Variants in ERICH3 observed in about 807,000 individuals in gnomAD.
ERICH3 encodes the protein glutamate-rich protein 3.
In ERICH3, 126 loss-of-function variants were observed where a neutral mutation model predicts 131.1. That is an observed-to-expected ratio of 0.96 (90% CI 0.83 to 1.11). ERICH3 has a LOEUF of 1.11. Among genes scored for constraint, ERICH3 ranks in the 50% most tolerant of loss-of-function variants. The pLI is 0.00. For synonymous variants in ERICH3, 695 were observed against 644.6 expected (o/e 1.08, Z -1.18); for missense variants, 2,050 against 1,810.7 (o/e 1.13, Z -2.40).
intron 11 of ERICH3, among the ~76,000 whole-genome samples, chr1:74,593,879 C>T (rs1224912721): frequency 1.3e-5 from 2 of 152,138 alleles, no homozygotes; most frequent in Non-Finnish European, 2.9e-5. Flanking sequence ...CAAGACCCTT[C>T]TATTTGCTAA....
chr1:74,638,302 C>T (rs1043628498), intron 5 of ERICH3, among the ~76,000 whole-genome samples: 1 of 152,132 alleles, frequency 6.6e-6, no homozygotes, highest in African/African-American at 2.4e-5. Flanking sequence ...TAATTTTTAA[C>T]ATCTAATGGC....
At chr1:74,663,657 C>T (rs1009622617) in intron 1 of ERICH3, among the ~76,000 whole-genome samples, 15 of 150,558 alleles carry the variant, frequency 1.0e-4, no homozygotes, top group Admixed American at 6.6e-4. Context: ...CTTCTTTTTA[C>T]CCATCTGTTT....
At chr1:74,632,340 G>A (rs1646347293) in intron 6 of ERICH3, among the ~76,000 whole-genome samples, 1 of 151,932 alleles carries the variant, frequency 6.6e-6, no homozygotes, top group South Asian at 2.1e-4. Flanking sequence ...AATATGCAGG[G>A]TTTGCAAAGC....
chr1:74,612,605 G>A lies in ERICH3; in HGVS notation c.1187+18C>T. 6.5e-7 allele frequency: 1 copy of A among 1,528,246 alleles called. No homozygotes were observed. The allele number at this position is 1,528,246 out of a possible 1,614,324, so 94.7% of individuals were successfully genotyped here. On this transcript the variant is annotated intron_variant, in intron 9 of 14. Transcript: ENST00000326665. ...GTAGCAAAACTTGCCCTCTACCAAA[G>A]GACATTTGTTTCCATACTTGTAGCA...
chr1:74,670,644 T>A (rs1180925832), intron 1 of ERICH3, among the ~76,000 whole-genome samples: 2 of 152,214 alleles, frequency 1.3e-5, no homozygotes, highest in Non-Finnish European at 2.9e-5. Flanking sequence ...CTGTGATAAT[T>A]TTGTTAACTA....
intron 12 of ERICH3, among the ~76,000 whole-genome samples, chr1:74,588,367 T>C (rs1350231094): frequency 6.6e-6 from 1 of 152,180 alleles, no homozygotes; most frequent in Non-Finnish European, 1.5e-5. Flanking sequence ...CAGCAAGTTA[T>C]GAGAGAAACT....
rs778156632 is a variant in ERICH3, at chr1:74,636,354, T to A, written c.529A>T (p.Thr177Ser). ...QPLPSNPAVE[T>S]VPKVTSRSRS... The stretch of plus-strand genomic sequence containing the variant: ...GACCTTGAAGTTACCTTTGGAACAG[T>A]TTCTACTGCAGGATTACTGGGAAGA... The change falls in exon 6 of 15, where the codon ACT (threonine) becomes TCT (serine). Residue 177 changes from threonine (T) to serine (S), a missense_variant. Thr to Ser is a moderately conservative substitution (Grantham distance 58, BLOSUM62 1). Coordinates refer to ENST00000326665, the MANE Select transcript of ERICH3 (RefSeq NM_001002912.5). The A allele has an allele frequency of 6.2e-7, 1 of 1,613,308 alleles. No homozygotes were observed. Among genetic ancestry groups the A allele is most frequent in the Non-Finnish European group, 8.5e-7 (1 of 1,179,452 alleles).
Position 74,635,118 on chromosome 1 carries a change from C to G in ERICH3, c.603+1162G>C, listed in dbSNP as rs1450755317. On this transcript the variant is annotated intron_variant, in intron 6 of 14. Transcript: ENST00000326665. ...AGTTCGTTTAGTTAGCCTGGACAGT[C>G]TCACAAGATGTGACTATTCCTGGAC... Among the ~76,000 whole-genome samples the G allele has an allele frequency of 2.0e-5, 3 of 152,044 alleles. No individual in the cohort carries two copies. The East Asian group carries it at 5.8e-4, about 29-fold the overall frequency.
Position 74,573,436 on chromosome 1 carries a change from T to A in ERICH3, c.2274A>T (p.Glu758Asp), listed in dbSNP as rs747071842. ...DETAAINSNK[E>D]SQQLVQKTYT... is the part of the protein sequence containing the mutation. ...ACGTTTTTTGCACCAATTGCTGGGA[T>A]TCCTTGTTTGAGTTGATTGCTGCTG... The change falls in exon 14 of 15, where the codon GAA (glutamate) becomes GAT (aspartate). Residue 758 changes from glutamate to aspartate, a missense_variant. Physicochemically the swap from Glu to Asp is conservative, Grantham distance 45. Transcript: ENST00000326665. 2 of 1,563,172 alleles carry A rather than the reference T, an allele frequency of 1.3e-6. No individual in the cohort carries two copies. Among genetic ancestry groups the A allele is most frequent in the Non-Finnish European group, 1.7e-6 (2 of 1,160,902 alleles).
intron 1 of ERICH3, among the ~76,000 whole-genome samples, chr1:74,651,534 C>T (rs1404924449): frequency 6.6e-6 from 1 of 152,078 alleles, no homozygotes; most frequent in African/African-American, 2.4e-5. Context: ...CATTGTATAC[C>T]TTACCCTTTC....
Position 74,612,669 on chromosome 1 carries a change from C to T in ERICH3, c.1141G>A (p.Gly381Ser), listed in dbSNP as rs775477067. The T allele has an allele frequency of 4.6e-5, 73 of 1,591,542 alleles. No individual in the cohort carries two copies. The highest frequency in any genetic ancestry group is 5.8e-5 in the Non-Finnish European group (68 of 1,163,120). ...TCAACACACACAAACCCAAAGTAGC[C>T]TCGTTTGCCTCCAAGCCTGGAACCT... is the stretch of plus-strand genomic sequence containing the variant. The part of the protein sequence containing the change: ...RKGSRLGGKR[G>S]YFGFVCVERS... Residue 381 changes from glycine (G) to serine (S), a missense_variant, in exon 9 of 15, where the codon GGC becomes AGC. By Grantham distance (56) the Gly-to-Ser change is moderately conservative (BLOSUM62 0). Coordinates refer to ENST00000326665, the MANE Select transcript of ERICH3 (RefSeq NM_001002912.5).
rs138589492 is a variant in ERICH3, at chr1:74,572,144, T to C, written c.3566A>G (p.Glu1189Gly). 3 of 1,614,100 alleles carry C rather than the reference T, an allele frequency of 1.9e-6. No homozygotes were observed. The highest frequency in any genetic ancestry group is 2.2e-5 in the East Asian group (1 of 44,832). ...GGACAGCTCTTCTCTGTCTTTGTGC[T>C]CTGTGTCTCTGGCTTCACTCAGTCT... Reference protein sequence around the residue: ...GERLSEARDTEHKDREELSSR... With the variant: ...GERLSEARDTGHKDREELSSR... The change falls in exon 14 of 15, where the codon GAG (glutamate) becomes GGG (glycine). Residue 1189 changes from glutamate to glycine, a missense_variant. Glu to Gly is a moderately conservative substitution (Grantham distance 98). Coordinates refer to ENST00000326665, the MANE Select transcript of ERICH3 (RefSeq NM_001002912.5).
At chr1:74,648,952 T>G (rs1646508744) in intron 2 of ERICH3, among the ~76,000 whole-genome samples, 1 of 152,164 alleles carries the variant, frequency 6.6e-6, no homozygotes, top group African/African-American at 2.4e-5. Flanking sequence ...ATGTGTTGAA[T>G]GAATGAATAA....
chr1:74,603,241 A>AT (rs1265472506), intron 10 of ERICH3, among the ~76,000 whole-genome samples: 1 of 151,832 alleles, frequency 6.6e-6, no homozygotes. Context: ...ATCCACAACC[A>AT]TTTAGTGGGT....
intron 1 of ERICH3, among the ~76,000 whole-genome samples, chr1:74,662,724 T>C (rs996145092): frequency 4.6e-5 from 7 of 152,162 alleles, no homozygotes; most frequent in African/African-American, 1.7e-4. Flanking sequence ...ATAGCATGCT[T>C]GCCTGCTTCT....
rs1236604965 is a variant in ERICH3, at chr1:74,568,459, C to CA, written c.*1998dup. 2 of 152,030 alleles carry CA rather than the reference C, an allele frequency of 1.3e-5. No homozygotes were observed. The highest frequency in any genetic ancestry group is 4.8e-5 in the African/African-American group (2 of 41,416). 9.4% of individuals were successfully genotyped at this position (152,030 alleles called of 1,614,324 possible). On this transcript the variant is annotated 3_prime_UTR_variant, in exon 15 of 15. Coordinates refer to ENST00000326665, the MANE Select transcript of ERICH3 (RefSeq NM_001002912.5). ...TAGCATTGAGTTTGAAATCAGGAAA[C>CA]AAATACTGTTAGAGCTCCACAGTAA...
chr1:74,655,813 T>C (rs1285011649), intron 1 of ERICH3, among the ~76,000 whole-genome samples: 2 of 152,140 alleles, frequency 1.3e-5, no homozygotes, highest in Non-Finnish European at 2.9e-5. Context: ...GTGATTGGAC[T>C]GTGTCTTAGC....
At chr1:74,619,503 A>G (rs1649121517) in intron 8 of ERICH3, among the ~76,000 whole-genome samples, 2 of 152,172 alleles carry the variant, frequency 1.3e-5, no homozygotes, top group South Asian at 4.1e-4. Context: ...CACTTATATC[A>G]TGAAAATGTA....
intron 7 of ERICH3, chr1:74,623,527 C>A (rs911256234): frequency 1.3e-5 from 2 of 152,132 alleles, no homozygotes; most frequent in African/African-American, 4.8e-5. Flanking sequence ...TGAAATTTAT[C>A]ATCCAAACTT....
Sources: gnomAD v4.1 joint callset for allele counts (sites outside exome capture counted in the v4.1 genomes callset) on GRCh38, gnomAD v4.1.1 for gene constraint, MANE v1.5 for transcripts, NCBI Gene and HGNC (gene_info 2026-07-23, HGNC 2026-07-21) for gene names.